EYA4: variants seen among roughly 807,000 people sequenced by gnomAD.
The protein encoded by EYA4 is EYA transcriptional coactivator and phosphatase 4.
Under a neutral mutation model 87.9 loss-of-function variants are expected in EYA4, and 31 were observed. That is an observed-to-expected ratio of 0.35 (90% CI 0.27 to 0.48). EYA4 has a LOEUF of 0.48. Ranked by LOEUF, EYA4 falls within the 20% of genes least tolerant of loss-of-function variation. EYA4 has a pLI of 0.99. For missense variants in EYA4, 678 were observed against 761.4 expected, an observed-to-expected ratio of 0.89 and a Z score of 1.29; for synonymous variants, 263 against 270.6, an observed-to-expected ratio of 0.97 and a Z score of 0.28.
chr6:133,366,389 G>T (rs1784854370), intron 2 of EYA4, among the ~76,000 whole-genome samples: 1 of 152,162 alleles, frequency 6.6e-6, no homozygotes, highest in South Asian at 2.1e-4. Context: ...GAACTAAGAG[G>T]ATGAATCTCA....
intron 3 of EYA4, among the ~76,000 whole-genome samples, chr6:133,446,385 A>G (rs564040544): frequency 6.6e-6 from 1 of 152,204 alleles, no homozygotes; most frequent in Admixed American, 6.5e-5. Flanking sequence ...TGTTATAATA[A>G]CGTGTTATGT....
intron 1 of EYA4, among the ~76,000 whole-genome samples, chr6:133,268,852 A>G (rs1259505617): frequency 1.3e-5 from 2 of 151,662 alleles, no homozygotes; most frequent in South Asian, 4.1e-4. Flanking sequence ...CTAAGAGGCA[A>G]AAAGCTGGGC....
At position 133,451,475 on chromosome 6, in the gene EYA4, A is replaced by G. The variant is rs145227694; in HGVS notation, c.277+3296A>G. On this transcript the variant is annotated intron_variant, in intron 5 of 19. Transcript: ENST00000355286. ...ATGGTGTCAGGATTCATGATGAACT[A>G]CACTTCATATACAAAAATACTTAGA... 2.2e-3 allele frequency among the ~76,000 whole-genome samples: 341 copies of G among 152,334 alleles called. 1 individual carries two copies. Among genetic ancestry groups the G allele is most frequent in the Middle Eastern group, 0.014 (4 of 294 alleles).
chr6:133,508,307 T>G (rs991751092), intron 14 of EYA4, among the ~76,000 whole-genome samples: 13 of 152,076 alleles, frequency 8.5e-5, no homozygotes, highest in African/African-American at 2.9e-4. Context: ...AAACCTGATT[T>G]AAATTGATCC....
intron 2 of EYA4, among the ~76,000 whole-genome samples, chr6:133,358,992 G>A (rs557428195): frequency 6.6e-6 from 1 of 152,178 alleles, no homozygotes; most frequent in Non-Finnish European, 1.5e-5. Flanking sequence ...AGGATTCCAG[G>A]TACTGGAAAC....
chr6:133,523,982 T>G (rs550332296), intron 18 of EYA4, among the ~76,000 whole-genome samples: 31 of 152,280 alleles, frequency 2.0e-4, no homozygotes, highest in African/African-American at 6.7e-4. Context: ...TAACCTGCCC[T>G]GGGCTTTGAG....
At chr6:133,492,031 T>A (rs1425193836) in intron 13 of EYA4, among the ~76,000 whole-genome samples, 1 of 150,154 alleles carries the variant, frequency 6.7e-6, no homozygotes, top group Non-Finnish European at 1.5e-5. Flanking sequence ...TTTCCAAACA[T>A]TTAAGGAAGA....
chr6:133,392,806 A>G (rs961051463), intron 3 of EYA4, among the ~76,000 whole-genome samples: 1 of 152,152 alleles, frequency 6.6e-6, no homozygotes, highest in Non-Finnish European at 1.5e-5. Flanking sequence ...TGTCTTCGCC[A>G]CATGTATTAG....
intron 13 of EYA4, among the ~76,000 whole-genome samples, chr6:133,503,486 A>T (rs1236943155): frequency 6.6e-6 from 1 of 152,234 alleles, no homozygotes; most frequent in African/African-American, 2.4e-5. Context: ...TAGGGCAGTA[A>T]TCATCAGAAA....
intron 17 of EYA4, among the ~76,000 whole-genome samples, chr6:133,520,836 C>A (rs532010757): frequency 4.2e-4 from 63 of 151,616 alleles, no homozygotes; most frequent in African/African-American, 1.4e-3. Context: ...TGATCTTTGA[C>A]AAACCTGAGA....
At position 133,446,506 on chromosome 6, in the gene EYA4, A is replaced by G; in HGVS notation, c.84-124A>G. 2.8e-6 allele frequency: 3 copies of G among 1,056,210 alleles called. No homozygotes were observed. The South Asian group carries it at 3.9e-5, about 14-fold the overall frequency. 65.4% of individuals were successfully genotyped at this position (1,056,210 alleles called of 1,614,324 possible). ...AACTGGCATGTTCATCTGGTTGACT[A>G]AGTCTTAGATACTGGTTTTAATTAT... On this transcript the variant is annotated intron_variant, in intron 3 of 19. Transcript: ENST00000355286.
At chr6:133,438,526 T>A (rs1227670732) in intron 3 of EYA4, among the ~76,000 whole-genome samples, 4 of 151,422 alleles carry the variant, frequency 2.6e-5, no homozygotes, top group Non-Finnish European at 5.9e-5. Flanking sequence ...AGCTAAGAAT[T>A]TCTGATGACA....
Position 133,316,380 on chromosome 6 carries a change from G to T in EYA4, c.33+41567G>T, listed in dbSNP as rs114232702. On this transcript the variant is annotated intron_variant, in intron 2 of 19. Transcript: ENST00000355286. ...ATCTGACAGTTGTACTTACATAATA[G>T]TTACATAATCAGCTACTTAAATAGG... is the stretch of plus-strand genomic sequence containing the variant. Among the ~76,000 whole-genome samples the T allele has an allele frequency of 7.0e-3, 1,072 of 152,134 alleles. 8 individuals are homozygous for T. Among genetic ancestry groups the T allele is most frequent in the African/African-American group, 0.023 (974 of 41,506 alleles).
chr6:133,338,298 A>G (rs1021356465), intron 2 of EYA4, among the ~76,000 whole-genome samples: 1 of 152,190 alleles, frequency 6.6e-6, no homozygotes, highest in Non-Finnish European at 1.5e-5. Flanking sequence ...CACTACATCA[A>G]TTGGCATTTG....
intron 2 of EYA4, among the ~76,000 whole-genome samples, chr6:133,285,200 G>C (rs1247094948): frequency 1.3e-5 from 2 of 152,122 alleles, no homozygotes; most frequent in African/African-American, 4.8e-5. Flanking sequence ...GTTTCACCAT[G>C]TTAGCGGGGA....
At position 133,430,207 on chromosome 6, in the gene EYA4, C is replaced by A. The variant is rs191119999; in HGVS notation, c.84-16423C>A. Among the ~76,000 whole-genome samples the A allele has an allele frequency of 5.2e-3, 794 of 152,242 alleles. 4 individuals carry two copies. Among genetic ancestry groups the A allele is most frequent in the African/African-American group, 0.018 (734 of 41,538 alleles). On this transcript the variant is annotated intron_variant, in intron 3 of 19. Coordinates refer to ENST00000355286, the MANE Select transcript of EYA4 (RefSeq NM_004100.5). Reference sequence around the variant, plus strand: ...ACCATGGAATACTATGCAGCCAAAACATAATGGAATCATGTCCTTTTCAGA... The same window carrying A: ...ACCATGGAATACTATGCAGCCAAAAAATAATGGAATCATGTCCTTTTCAGA...
chr6:133,505,852 A>G (rs968429749), intron 13 of EYA4, among the ~76,000 whole-genome samples: 2 of 152,070 alleles, frequency 1.3e-5, no homozygotes, highest in Non-Finnish European at 2.9e-5. Flanking sequence ...TCTCTCCTCA[A>G]CATACAGCTT....
chr6:133,507,553 G>A (rs941028950), intron 14 of EYA4, among the ~76,000 whole-genome samples: 1 of 152,072 alleles, frequency 6.6e-6, no homozygotes, highest in Admixed American at 6.6e-5. Context: ...AGGCCCCAGT[G>A]TGTGGTGTTC....
chr6:133,456,610 C>T lies in EYA4; in HGVS notation c.332C>T (p.Thr111Met), dbSNP rs772111281. The change falls in exon 6 of 20, where the codon ACG becomes ATG. Residue 111 changes from threonine to methionine, a missense_variant. Coordinates refer to ENST00000355286, the MANE Select transcript of EYA4 (RefSeq NM_004100.5). ...TTGAACAGCAGTGAAACCACAGCCA[C>T]GACTGGAGATGGAGCGCTTGACACT... ...EPLNSSETTA[T>M]TGDGALDTFT... The T allele has an allele frequency of 4.3e-6, 7 of 1,613,484 alleles. No homozygotes were observed. The highest frequency in any genetic ancestry group is 2.2e-5 in the South Asian group (2 of 91,076).
Sources: allele counts gnomAD v4.1 joint callset (sites outside exome capture counted in the v4.1 genomes callset), GRCh38; gene constraint gnomAD v4.1.1; transcripts MANE v1.5; gene names NCBI Gene and HGNC (gene_info 2026-07-23, HGNC 2026-07-21).